BAIAP2: variants seen among roughly 807,000 people sequenced by gnomAD.
BAIAP2 encodes the protein BAR/IMD domain-containing adapter protein 2.
A neutral mutation model predicts 63.0 loss-of-function variants in BAIAP2; 18 were observed. The observed-to-expected ratio is 0.29, with a 90% CI of 0.20 to 0.42. The LOEUF (loss-of-function observed/expected upper bound fraction) is 0.42. Among genes scored for constraint, BAIAP2 ranks in the 10% least tolerant of loss-of-function variants. The pLI, the probability that BAIAP2 is intolerant of heterozygous loss-of-function variation, is 1.00. For synonymous variants in BAIAP2, 386 were observed against 307.6 expected (o/e 1.25, Z -2.67); for missense variants, 610 against 734.3 (o/e 0.83, Z 1.96).
intron 1 of BAIAP2, among the ~76,000 whole-genome samples, chr17:81,051,999 C>G (rs1487647973): frequency 6.6e-6 from 1 of 152,258 alleles, no homozygotes; most frequent in African/African-American, 2.4e-5. Context: ...CCAGCGGAAT[C>G]TCTTAAATGT....
intron 3 of BAIAP2, among the ~76,000 whole-genome samples, chr17:81,084,207 G>C (rs962119538): frequency 6.6e-6 from 1 of 152,220 alleles, no homozygotes; most frequent in African/African-American, 2.4e-5. Context: ...GCGTGCACCA[G>C]GGTGGCTGCC....
intron 1 of BAIAP2, among the ~76,000 whole-genome samples, chr17:81,043,970 CGCT>C (rs2047444005): frequency 6.6e-6 from 1 of 152,238 alleles, no homozygotes; most frequent in Non-Finnish European, 1.5e-5. Context: ...TGGCCACGAT[CGCT>C]AGCTTGTGGG....
intron 13 of BAIAP2, among the ~76,000 whole-genome samples, chr17:81,112,111 T>C (rs901230778): frequency 2.6e-5 from 4 of 152,196 alleles, no homozygotes; most frequent in Non-Finnish European, 5.9e-5. Flanking sequence ...GCCTTCCGCC[T>C]CCATCTTCCT....
chr17:81,040,440 C>G (rs1598479293), intron 1 of BAIAP2, among the ~76,000 whole-genome samples: 1 of 152,230 alleles, frequency 6.6e-6, no homozygotes, highest in South Asian at 2.1e-4. Context: ...CTGGCTGTGC[C>G]TGTACAGCTG....
chr17:81,051,072 G>A (rs1270603009), intron 1 of BAIAP2, among the ~76,000 whole-genome samples: 1 of 151,740 alleles, frequency 6.6e-6, no homozygotes, highest in Non-Finnish European at 1.5e-5. Flanking sequence ...CCCCACTCCC[G>A]GTGTGGCCTC....
At chr17:81,036,851 T>G (rs1298223040) in intron 1 of BAIAP2, 1 of 1,533,472 alleles carries the variant, frequency 6.5e-7, no homozygotes, top group East Asian at 2.4e-5. Flanking sequence ...TACGACTTGT[T>G]TGTGATTGCA....
In BAIAP2 at chr17:81,035,174, C is replaced by A; in HGVS notation, c.-81C>A. On this transcript the variant is annotated 5_prime_UTR_variant, in exon 1 of 14. Transcript: ENST00000428708. Reference sequence around the variant, plus strand: ...CTGTGGTTCGGGTCCGCTTTCGTCTCCGTCCTGCTGCCGTTACCGCCGCTG... The same window carrying A: ...CTGTGGTTCGGGTCCGCTTTCGTCTACGTCCTGCTGCCGTTACCGCCGCTG... 2 of 1,225,042 alleles carry A rather than the reference C, an allele frequency of 1.6e-6. No homozygotes were observed. The highest frequency in any genetic ancestry group is 2.2e-6 in the Non-Finnish European group (2 of 910,268). The allele number at this position is 1,225,042 out of a possible 1,614,324, so 75.9% of individuals were successfully genotyped here.
rs1013123781 is a variant in BAIAP2, at chr17:81,081,530, G to A, written c.218-3302G>A. On this transcript the variant is annotated intron_variant, in intron 3 of 13. Transcript: ENST00000428708. ...GGTCTGTGCTGCTGGCCGTGCTCCC[G>A]TCTCCTCCCCTGCCCTGGGCAGCGC... Among the ~76,000 whole-genome samples the A allele has an allele frequency of 5.3e-5, 8 of 152,122 alleles. No homozygotes were observed. In the East Asian group the frequency reaches 5.8e-4, roughly 11 times the overall value.
In BAIAP2 at chr17:81,115,752, C is replaced by G. The variant is rs751772802; in HGVS notation, c.1536-18C>G. 3.1e-6 allele frequency: 5 copies of G among 1,613,376 alleles called. No individual in the cohort carries two copies. The highest frequency in any genetic ancestry group is 3.4e-6 in the Non-Finnish European group (4 of 1,180,004). ...TGGCTTCCGCCCTAAAAATTAAAAC[C>G]ACGTTTTTCTCTTTCAGGAATCCCT... On this transcript the variant is annotated intron_variant, in intron 13 of 13. Coordinates refer to ENST00000428708, the MANE Select transcript of BAIAP2 (RefSeq NM_001144888.2).
At chr17:81,109,336 G>C (rs1451343075) in intron 13 of BAIAP2, 7 of 1,093,322 alleles carry the variant, frequency 6.4e-6, no homozygotes, top group Admixed American at 1.1e-4. Context: ...GGCTCGCCGT[G>C]AGCCAGGTCT....
chr17:81,088,885 G>T (rs2056208400), intron 6 of BAIAP2, among the ~76,000 whole-genome samples: 1 of 152,216 alleles, frequency 6.6e-6, no homozygotes, highest in Non-Finnish European at 1.5e-5. Flanking sequence ...GAGGCTGGGG[G>T]CTGTCGGAGC....
intron 13 of BAIAP2, chr17:81,111,108 T>A: frequency 1.1e-6 from 1 of 937,174 alleles, no homozygotes; most frequent in Non-Finnish European, 1.6e-6. Flanking sequence ...CTCTGGGTGC[T>A]GGGCCTTCTC....
In BAIAP2 at chr17:81,035,154, G is replaced by C; in HGVS notation, c.-101G>C. 2.1e-6 allele frequency: 2 copies of C among 968,904 alleles called. No homozygotes were observed. The highest frequency in any genetic ancestry group is 2.2e-5 in the South Asian group (1 of 46,096). 60.0% of individuals were successfully genotyped at this position (968,904 alleles called of 1,614,324 possible). On this transcript the variant is annotated 5_prime_UTR_variant, in exon 1 of 14. Transcript: ENST00000428708. The stretch of plus-strand genomic sequence containing the variant: ...CCGCCGCCGGACGCCGGGCTCTGTG[G>C]TTCGGGTCCGCTTTCGTCTCCGTCC...
chr17:81,097,000 C>T (rs965411377), intron 6 of BAIAP2, among the ~76,000 whole-genome samples: 1 of 152,144 alleles, frequency 6.6e-6, no homozygotes, highest in African/African-American at 2.4e-5. Flanking sequence ...GAGGAGGCAG[C>T]GGCAGTGGGG....
At chr17:81,075,012 G>C (rs949912461) in intron 3 of BAIAP2, among the ~76,000 whole-genome samples, 2 of 152,226 alleles carry the variant, frequency 1.3e-5, no homozygotes, top group African/African-American at 4.8e-5. Context: ...GCTTGGCAAA[G>C]CCATGACTGA....
chr17:81,039,410 T>C (rs137980748), intron 1 of BAIAP2, among the ~76,000 whole-genome samples: 1,528 of 152,348 alleles, frequency 0.01, 30 homozygotes, highest in African/African-American at 0.034. Context: ...CCATGCCTGC[T>C]GTGCCGTTGG....
rs139201192 is a variant in BAIAP2 at position 81,073,640 on chromosome 17, C to T, written c.218-11192C>T. 7.2e-5 allele frequency among the ~76,000 whole-genome samples: 11 copies of T among 152,326 alleles called. No individual in the cohort carries two copies. The East Asian group carries it at 1.7e-3, about 24-fold the overall frequency. On this transcript the variant is annotated intron_variant, in intron 3 of 13. Transcript: ENST00000428708. ...CCTCCAACCCTGGGCTGAGAGCATCCGAGGCCCAGGCTCTTCCCTCCCCCA... is the reference window on the plus strand; with the variant it reads ...CCTCCAACCCTGGGCTGAGAGCATCTGAGGCCCAGGCTCTTCCCTCCCCCA...
intron 10 of BAIAP2, 138 bp downstream of exon 10, chr17:81,104,853 C>A: frequency 1.1e-6 from 1 of 932,444 alleles, no homozygotes; most frequent in Non-Finnish European, 1.6e-6. Flanking sequence ...AAGACCTGGG[C>A]AGTGAGAGCA....
chr17:81,082,337 C>A (rs896563380), intron 3 of BAIAP2, among the ~76,000 whole-genome samples: 4 of 152,210 alleles, frequency 2.6e-5, no homozygotes, highest in African/African-American at 9.6e-5. Context: ...TGTGATACCT[C>A]CCCGGGGTCT....
Sources: allele counts gnomAD v4.1 joint callset (sites outside exome capture counted in the v4.1 genomes callset), GRCh38; gene constraint gnomAD v4.1.1; transcripts MANE v1.5; gene names NCBI Gene and HGNC (gene_info 2026-07-23, HGNC 2026-07-21).